Variants in AGBL4 observed in about 807,000 individuals in gnomAD.
AGBL4 encodes the protein cytosolic carboxypeptidase 6.
A neutral mutation model predicts 66.4 loss-of-function variants in AGBL4; 58 were observed. The ratio of observed to expected loss-of-function variants is 0.87; its 90% CI spans 0.71 to 1.09. The LOEUF is 1.09. AGBL4 is among the 50% of genes least tolerant of loss of function. The probability of loss-of-function intolerance (pLI) is 0.00; values close to 1 mark genes in which losing one functional copy is unlikely to be tolerated. For synonymous variants in AGBL4, 234 were observed against 222.9 expected (o/e 1.05, Z -0.44); for missense variants, 579 against 631.0 (o/e 0.92, Z 0.88).
At chr1:48,632,478 C>G (rs1204977953) in intron 9 of AGBL4, among the ~76,000 whole-genome samples, 1 of 152,162 alleles carries the variant, frequency 6.6e-6, no homozygotes, top group East Asian at 1.9e-4. Context: ...CCTTGTGTTC[C>G]TCCCCCAGGC....
At chr1:49,818,393 T>C (rs1437942026) in intron 2 of AGBL4, among the ~76,000 whole-genome samples, 3 of 148,968 alleles carry the variant, frequency 2.0e-5, no homozygotes, top group Non-Finnish European at 4.4e-5. Flanking sequence ...TGAGATGAGG[T>C]CTTGCTCTGT....
At chr1:49,301,100 G>A (rs1397526698) in intron 3 of AGBL4, among the ~76,000 whole-genome samples, 1 of 152,144 alleles carries the variant, frequency 6.6e-6, no homozygotes, top group African/African-American at 2.4e-5. Flanking sequence ...AATAAGAAAG[G>A]TCCATAAATG....
intron 2 of AGBL4, among the ~76,000 whole-genome samples, chr1:49,804,767 A>T (rs997545776): frequency 6.6e-6 from 1 of 152,214 alleles, no homozygotes; most frequent in Non-Finnish European, 1.5e-5. Context: ...CTATTAATAC[A>T]TTCTGAAAAT....
chr1:49,779,332 G>A (rs1367343357), intron 2 of AGBL4, among the ~76,000 whole-genome samples: 1 of 152,152 alleles, frequency 6.6e-6, no homozygotes, highest in Admixed American at 6.6e-5. Flanking sequence ...TTCACCTACT[G>A]CAACAGTGCA....
intron 6 of AGBL4, among the ~76,000 whole-genome samples, chr1:48,738,319 C>A (rs1471442519): frequency 6.6e-6 from 1 of 152,240 alleles, no homozygotes; most frequent in African/African-American, 2.4e-5. Flanking sequence ...ATAACTAGAT[C>A]CACCTGGCCT....
chr1:49,337,700 A>G (rs1367688633), intron 3 of AGBL4, among the ~76,000 whole-genome samples: 1 of 152,218 alleles, frequency 6.6e-6, no homozygotes, highest in Non-Finnish European at 1.5e-5. Flanking sequence ...TCTACATGGC[A>G]TAGGCTTTCA....
chr1:49,391,550 GTTT>G (rs1182720692), intron 3 of AGBL4, among the ~76,000 whole-genome samples: 3 of 124,390 alleles, frequency 2.4e-5, no homozygotes, highest in African/African-American at 6.1e-5. Flanking sequence ...ATAACCATGA[GTTT>G]TTTTTTTTTG....
At chr1:48,715,940 G>C (rs1647043118) in intron 6 of AGBL4, among the ~76,000 whole-genome samples, 1 of 152,076 alleles carries the variant, frequency 6.6e-6, no homozygotes, top group African/African-American at 2.4e-5. Context: ...TTTTCACAGG[G>C]GGAAGGGTGA....
At chr1:48,757,285 T>C (rs144560889) in intron 6 of AGBL4, among the ~76,000 whole-genome samples, 4 of 152,350 alleles carry the variant, frequency 2.6e-5, no homozygotes, top group African/African-American at 9.6e-5. Context: ...AAAATTTCAG[T>C]TATCCCCATC....
chr1:49,827,604 T>A (rs1315149567), intron 2 of AGBL4, among the ~76,000 whole-genome samples: 1 of 152,208 alleles, frequency 6.6e-6, no homozygotes, highest in East Asian at 1.9e-4. Flanking sequence ...GTCCATAGAT[T>A]GATGCTGGTC....
chr1:49,947,554 A>G (rs1274027730), intron 1 of AGBL4, among the ~76,000 whole-genome samples: 1 of 151,874 alleles, frequency 6.6e-6, no homozygotes, highest in East Asian at 1.9e-4. Flanking sequence ...GTTGTAAAAA[A>G]AAGCCATCTA....
intron 3 of AGBL4, among the ~76,000 whole-genome samples, chr1:49,246,139 T>G (rs1301091214): frequency 2.0e-5 from 3 of 151,926 alleles, no homozygotes; most frequent in Non-Finnish European, 4.4e-5. Flanking sequence ...AAAGATCTGT[T>G]TCAGTGTCCT....
intron 4 of AGBL4, among the ~76,000 whole-genome samples, chr1:49,053,592 G>C (rs989856697): frequency 6.6e-6 from 1 of 152,150 alleles, no homozygotes; most frequent in Non-Finnish European, 1.5e-5. Flanking sequence ...GGGAAATAGA[G>C]ACTAAGCAGT....
At chr1:49,667,068 G>A (rs1646385622) in intron 3 of AGBL4, among the ~76,000 whole-genome samples, 1 of 152,098 alleles carries the variant, frequency 6.6e-6, no homozygotes, top group African/African-American at 2.4e-5. Flanking sequence ...ATCAAAACAA[G>A]AAGATAGTTG....
In AGBL4 at chr1:49,818,119, C is replaced by T. The variant is rs1239197973; in HGVS notation, c.157+33277G>A. Among the ~76,000 whole-genome samples, 3 of 151,886 alleles carry T rather than the reference C, an allele frequency of 2.0e-5. No individual in the cohort carries two copies. In the East Asian group the frequency reaches 5.8e-4, roughly 29 times the overall value. On this transcript the variant is annotated intron_variant, in intron 2 of 13. Coordinates refer to ENST00000371839, the MANE Select transcript of AGBL4 (RefSeq NM_032785.4). ...GACATTGATCCACACTAGCAGCCAG[C>T]ATTTTCAGAAAAAAAAAATTAAACA...
intron 2 of AGBL4, among the ~76,000 whole-genome samples, chr1:49,796,468 C>T (rs910555921): frequency 4.0e-5 from 6 of 151,104 alleles, no homozygotes; most frequent in South Asian, 2.1e-4. Context: ...TAATTCCAAC[C>T]GCTTAATAAT....
At chr1:49,940,712 T>C (rs1323463095) in intron 1 of AGBL4, among the ~76,000 whole-genome samples, 1 of 149,056 alleles carries the variant, frequency 6.7e-6, no homozygotes, top group African/African-American at 2.5e-5. Context: ...GGGGTGGGGG[T>C]ATGGGGGAGG....
chr1:49,850,306 A>G (rs1009548594), intron 2 of AGBL4, among the ~76,000 whole-genome samples: 1 of 152,158 alleles, frequency 6.6e-6, no homozygotes, highest in African/African-American at 2.4e-5. Flanking sequence ...AAAGATTGCT[A>G]ACAACCTGTA....
intron 3 of AGBL4, among the ~76,000 whole-genome samples, chr1:49,639,135 C>T (rs1645732540): frequency 6.6e-6 from 1 of 152,114 alleles, no homozygotes; most frequent in Admixed American, 6.6e-5. Flanking sequence ...TGTGAAGATA[C>T]CTCGGCACCT....
Sources: allele counts gnomAD v4.1 joint callset (sites outside exome capture counted in the v4.1 genomes callset), GRCh38; gene constraint gnomAD v4.1.1; transcripts MANE v1.5; gene names NCBI Gene and HGNC (gene_info 2026-07-23, HGNC 2026-07-21).